XIRP2: variants seen among roughly 807,000 people sequenced by gnomAD.
The protein encoded by XIRP2 is xin actin-binding repeat-containing protein 2.
In XIRP2, 236 loss-of-function variants were observed where a neutral mutation model predicts 277.0. The observed-to-expected ratio is 0.85, with a 90% confidence interval of 0.77 to 0.95. XIRP2 has a LOEUF of 0.95. Among genes scored for constraint, XIRP2 ranks in the 40% least tolerant of loss-of-function variants. The probability of loss-of-function intolerance (pLI) is 0.00; values close to 1 mark genes in which losing one functional copy is unlikely to be tolerated. For synonymous variants in XIRP2, 1,490 were observed against 1,416.5 expected, an observed-to-expected ratio of 1.05 and a Z score of -1.17; for missense variants, 4,640 against 4,157.5, an observed-to-expected ratio of 1.12 and a Z score of -3.19.
chr2:167,164,668 T>C (rs1692470858), intron 3 of XIRP2, among the ~76,000 whole-genome samples: 1 of 152,182 alleles, frequency 6.6e-6, no homozygotes, highest in South Asian at 2.1e-4. Context: ...GTAGAGTTCA[T>C]GCACACATTT....
At chr2:167,107,557 G>T (rs1690647532) in intron 2 of XIRP2, among the ~76,000 whole-genome samples, 1 of 151,302 alleles carries the variant, frequency 6.6e-6, no homozygotes, top group South Asian at 2.1e-4. Flanking sequence ...GTCTTAATCA[G>T]TTATAGTATA....
At chr2:167,110,153 G>T (rs374847707) in intron 2 of XIRP2, among the ~76,000 whole-genome samples, 1 of 151,962 alleles carries the variant, frequency 6.6e-6, no homozygotes, top group Non-Finnish European at 1.5e-5. Flanking sequence ...AGTTTCTTTT[G>T]TTGTGCAGAA....
At chr2:167,187,394 G>T in intron 3 of XIRP2, 3 of 985,340 alleles carry the variant, frequency 3.0e-6, no homozygotes, top group Non-Finnish European at 3.6e-6. Context: ...AGTGGAGCGG[G>T]CCTCCACTGC....
chr2:167,156,669 G>A (rs1233362591), intron 3 of XIRP2, among the ~76,000 whole-genome samples: 1 of 152,146 alleles, frequency 6.6e-6, no homozygotes, highest in South Asian at 2.1e-4. Flanking sequence ...TATGGATTAT[G>A]CTTCGCAGGC....
intron 2 of XIRP2, among the ~76,000 whole-genome samples, chr2:166,951,435 A>G (rs1686030169): frequency 6.6e-6 from 1 of 151,742 alleles, no homozygotes; most frequent in Admixed American, 6.6e-5. Flanking sequence ...GACAGGGGAG[A>G]GGAGGTTCCA....
intron 5 of XIRP2, among the ~76,000 whole-genome samples, chr2:167,231,603 C>A (rs1279676629): frequency 1.3e-5 from 2 of 151,390 alleles, no homozygotes; most frequent in Non-Finnish European, 2.9e-5. Flanking sequence ...ATTTTCTATT[C>A]TACCACCCAA....
At chr2:167,143,704 T>G (rs557753614) in intron 3 of XIRP2, among the ~76,000 whole-genome samples, 54 of 152,302 alleles carry the variant, frequency 3.5e-4, no homozygotes, top group East Asian at 1.7e-3. Flanking sequence ...GTTTTTCTAC[T>G]TTCAGAAATA....
chr2:167,011,708 CTT>C (rs1687684242), intron 2 of XIRP2, among the ~76,000 whole-genome samples: 1 of 150,794 alleles, frequency 6.6e-6, no homozygotes, highest in South Asian at 2.1e-4. Context: ...GTCCTGGACT[CTT>C]TTTGGTTGGT....
At chr2:166,918,224 G>A (rs1684943162) in intron 2 of XIRP2, among the ~76,000 whole-genome samples, 1 of 152,136 alleles carries the variant, frequency 6.6e-6, no homozygotes, top group Non-Finnish European at 1.5e-5. Context: ...AAATATTCCT[G>A]TGTTAACTTC....
At position 167,239,864 on chromosome 2, in the gene XIRP2, C is replaced by A; in HGVS notation, c.868C>A (p.His290Asn). Residue 290 changes from histidine to asparagine, a missense_variant, in exon 6 of 11, where the codon CAT becomes AAT. Transcript: ENST00000409195. ...GTCTGTGTGCTTTCAGGAGGCAATT[C>A]ATAGCAGCCAGGTTGGCACTTCAAG... ...HQNRSEQEAI[H>N]SSQVGTSRSS... 1 of 1,607,442 alleles carries A rather than the reference C, an allele frequency of 6.2e-7. No individual in the cohort carries two copies. Among genetic ancestry groups the A allele is most frequent in the Non-Finnish European group, 8.5e-7 (1 of 1,177,704 alleles).
chr2:166,908,560 T>C (rs1684598123), intron 2 of XIRP2, among the ~76,000 whole-genome samples: 1 of 152,208 alleles, frequency 6.6e-6, no homozygotes, highest in Non-Finnish European at 1.5e-5. Context: ...TCCCATTCTG[T>C]AGGTTGCCTG....
chr2:167,048,320 G>A (rs968631418), intron 2 of XIRP2, among the ~76,000 whole-genome samples: 4 of 151,792 alleles, frequency 2.6e-5, no homozygotes, highest in African/African-American at 7.3e-5. Context: ...CTCTTAGTTG[G>A]TTCTTAAATT....
At chr2:167,084,952 C>A (rs1239967228) in intron 2 of XIRP2, among the ~76,000 whole-genome samples, 4 of 146,592 alleles carry the variant, frequency 2.7e-5, no homozygotes, top group Non-Finnish European at 6.1e-5. Flanking sequence ...TTCAGTTCTG[C>A]TCTGATTTTA....
At chr2:167,100,698 C>T (rs781478847) in intron 2 of XIRP2, among the ~76,000 whole-genome samples, 21 of 152,168 alleles carry the variant, frequency 1.4e-4, no homozygotes, top group Admixed American at 2.6e-4. Context: ...AGTAATTGCT[C>T]GTGAAATGCT....
rs1695270182 is a variant in XIRP2, at chr2:167,246,504, G to A, written c.5112G>A (p.Glu1704=). The A allele has an allele frequency of 6.2e-7, 1 of 1,613,550 alleles. No homozygotes were observed. Among genetic ancestry groups the A allele is most frequent in the Non-Finnish European group, 8.5e-7 (1 of 1,179,790 alleles). Residue 1704 remains glutamate (E), a synonymous_variant, in exon 9 of 11, where the codon GAG becomes GAA. Coordinates refer to ENST00000409195, the MANE Select transcript of XIRP2 (RefSeq NM_152381.6). ...ATGAAAATGATGGTGACACAATTGA[G>A]CGTGAAGAAGTAATAGGTGGTGATG... ...LLHENDGDTI[E]REEVIGGDVK...
intron 5 of XIRP2, among the ~76,000 whole-genome samples, chr2:167,233,718 T>G (rs984727677): frequency 6.6e-6 from 1 of 151,790 alleles, no homozygotes; most frequent in Non-Finnish European, 1.5e-5. Context: ...TTATTTTTTT[T>G]GTAAACTTTT....
chr2:167,028,963 C>T (rs112143943), intron 2 of XIRP2, among the ~76,000 whole-genome samples: 2 of 151,388 alleles, frequency 1.3e-5, no homozygotes, highest in African/African-American at 4.9e-5. Flanking sequence ...CAGAATTGAT[C>T]AAGCAGAAGA....
chr2:167,186,805 GTTT>G (rs77891647), intron 3 of XIRP2, among the ~76,000 whole-genome samples: 5 of 131,920 alleles, frequency 3.8e-5, no homozygotes, highest in Non-Finnish European at 3.3e-5. Flanking sequence ...ATTCTTCCTT[GTTT>G]TTTTTTTTTT....
Position 167,248,071 on chromosome 2 carries a change from G to A in XIRP2, c.6679G>A (p.Val2227Ile). ...CACATCCAATGTAACAGAAATGAAAGTCTCTGAAAAAAGTCACAATACATT... is the reference window on the plus strand; with the variant it reads ...CACATCCAATGTAACAGAAATGAAAATCTCTGAAAAAAGTCACAATACATT... ...QDTSNVTEMK[V>I]SEKSHNTFKA... The change falls in exon 9 of 11, where the codon GTC (valine) becomes ATC (isoleucine). Residue 2227 changes from valine (V) to isoleucine (I), a missense_variant. Coordinates refer to ENST00000409195, the MANE Select transcript of XIRP2 (RefSeq NM_152381.6). 1 of 1,613,464 alleles carries A rather than the reference G, an allele frequency of 6.2e-7. No homozygotes were observed. The highest frequency in any genetic ancestry group is 1.1e-5 in the South Asian group (1 of 91,012).
Sources: allele counts gnomAD v4.1 joint callset (sites outside exome capture counted in the v4.1 genomes callset), GRCh38; gene constraint gnomAD v4.1.1; transcripts MANE v1.5; gene names NCBI Gene and HGNC (gene_info 2026-07-23, HGNC 2026-07-21).